Variants in SYDE1 observed in about 807,000 individuals in gnomAD.
The protein encoded by SYDE1 is synapse defective Rho GTPase activating protein 1.
A neutral mutation model predicts 63.3 loss-of-function variants in SYDE1; 34 were observed. The observed-to-expected ratio is 0.54, with a 90% CI of 0.41 to 0.71. The LOEUF (loss-of-function observed/expected upper bound fraction) is 0.71, where lower values mean the gene tolerates loss of function less well. Ranked by LOEUF, SYDE1 falls within the 30% of genes least tolerant of loss-of-function variation. SYDE1 has a pLI of 0.00. For synonymous variants in SYDE1, 467 were observed against 473.4 expected, an observed-to-expected ratio of 0.99 and a Z score of 0.18; for missense variants, 925 against 1,042.5, an observed-to-expected ratio of 0.89 and a Z score of 1.55.
chr19:15,110,648 ACTGCTG>A lies in SYDE1; in HGVS notation c.1204_1209del (p.Leu402_Leu403del), dbSNP rs1233762854. Reference sequence around the variant, plus strand: ...CCCGCGTCTTTGGGCTGCCCCTGCCACTGCTGGTGGAGCGGGAGCGGCCCCCCGGCC... The same window carrying A: ...CCCGCGTCTTTGGGCTGCCCCTGCCAGTGGAGCGGGAGCGGCCCCCCGGCC... On this transcript the variant is annotated inframe_deletion, in exon 4 of 8. Transcript: ENST00000342784. This position sits in a 1 kb window ranked among gnomAD's most constrained non-coding sequence, Gnocchi z 6.9. 4 of 1,589,654 alleles carry A rather than the reference ACTGCTG, an allele frequency of 2.5e-6. No individual in the cohort carries two copies. The highest frequency in any genetic ancestry group is 1.7e-6 in the Non-Finnish European group (2 of 1,169,578).
chr19:15,110,674 C>A lies in SYDE1; in HGVS notation c.1229C>A (p.Pro410His). 1 of 1,583,396 alleles carries A rather than the reference C, an allele frequency of 6.3e-7. No individual in the cohort carries two copies. The highest frequency in any genetic ancestry group is 2.3e-5 in the East Asian group (1 of 43,254). Residue 410 changes from proline to histidine, a missense_variant, in exon 4 of 8, where the codon CCC (proline) becomes CAC (histidine). Transcript: ENST00000342784. The surrounding 1 kb of genome is among the most constrained non-coding windows in gnomAD (Gnocchi z 6.9). ...CTGCTGGTGGAGCGGGAGCGGCCCC[C>A]CGGCCAGGTGCCCCTCATCATCCAG... is the stretch of plus-strand genomic sequence containing the variant. ...LPLLVERERP[P>H]GQVPLIIQKC...
rs1457149049 is a variant in SYDE1 at position 15,110,542 on chromosome 19, C to T, written c.1097C>T (p.Ala366Val). The change falls in exon 4 of 8, where the codon GCC becomes GTC. Residue 366 changes from alanine to valine, a missense_variant. This residue lies in a region of SYDE1 where 599 missense variants were observed against 653.7 expected (regional missense o/e 0.92). Transcript: ENST00000342784. The surrounding 1 kb of genome is among the most constrained non-coding windows in gnomAD (Gnocchi z 6.9). ...TCAGGGTGCCAGGCCCAACAGCTGG[C>T]CGTGCGCCTGGAGCCTCAGGGGCTG... ...VFRGCQAQQL[A>V]VRLEPQGLLY... is the part of the protein sequence containing the mutation. 1 of 1,589,760 alleles carries T rather than the reference C, an allele frequency of 6.3e-7. No individual in the cohort carries two copies. The highest frequency in any genetic ancestry group is 1.7e-5 in the Admixed American group (1 of 57,896).
rs2046320834 is a variant in SYDE1 at position 15,108,521 on chromosome 19, G to A, written c.89-535G>A. 6.6e-6 allele frequency among the ~76,000 whole-genome samples: 1 copy of A among 152,150 alleles called. No individual in the cohort carries two copies. The highest frequency in any genetic ancestry group is 2.1e-4 in the South Asian group (1 of 4,824). ...ACAGGAGGGAGGGTAAAAGGGGCAGGGGACTGGGAGTGACTGTGCTGCAGG... is the reference window on the plus strand; with the variant it reads ...ACAGGAGGGAGGGTAAAAGGGGCAGAGGACTGGGAGTGACTGTGCTGCAGG... On this transcript the variant is annotated intron_variant, in intron 1 of 7. Coordinates refer to ENST00000342784, the MANE Select transcript of SYDE1 (RefSeq NM_033025.6). This position sits in a 1 kb window ranked among gnomAD's most constrained non-coding sequence, Gnocchi z 4.3.
Position 15,108,990 on chromosome 19 carries a change from T to A in SYDE1, c.89-66T>A. 1 of 1,432,572 alleles carries A rather than the reference T, an allele frequency of 7.0e-7. No homozygotes were observed. The highest frequency in any genetic ancestry group is 9.1e-7 in the Non-Finnish European group (1 of 1,097,440). 88.7% of individuals were successfully genotyped at this position (1,432,572 alleles called of 1,614,324 possible). ...ACACAGCATCCCACCCACTGATCAA[T>A]TGCACAGGGCTGCTCTGCAGGCAGT... On this transcript the variant is annotated intron_variant, in intron 1 of 7. Coordinates refer to ENST00000342784, the MANE Select transcript of SYDE1 (RefSeq NM_033025.6). This position sits in a 1 kb window ranked among gnomAD's most constrained non-coding sequence, Gnocchi z 4.3.
In SYDE1 at chr19:15,110,747, C is replaced by T; in HGVS notation, c.1290+12C>T. ...GCCGAGGGCTGCGGGTGAGCACCCACCCCACCCCAACCCTCTGGCCCCCAG... is the reference window on the plus strand; with the variant it reads ...GCCGAGGGCTGCGGGTGAGCACCCATCCCACCCCAACCCTCTGGCCCCCAG... On this transcript the variant is annotated intron_variant, in intron 4 of 7. Coordinates refer to ENST00000342784, the MANE Select transcript of SYDE1 (RefSeq NM_033025.6). The surrounding 1 kb of genome is among the most constrained non-coding windows in gnomAD (Gnocchi z 6.9). 6.5e-7 allele frequency: 1 copy of T among 1,527,668 alleles called. No individual in the cohort carries two copies. The highest frequency in any genetic ancestry group is 8.8e-7 in the Non-Finnish European group (1 of 1,137,128). The allele number at this position is 1,527,668 out of a possible 1,614,324, so 94.6% of individuals were successfully genotyped here. A position where few individuals can be genotyped will look rare whatever the true frequency, so the allele number is the denominator to read the frequency against.
Position 15,107,495 on chromosome 19 carries a change from G to C in SYDE1, c.62G>C (p.Arg21Pro). 1.9e-6 allele frequency: 3 copies of C among 1,545,196 alleles called. No homozygotes were observed. Among genetic ancestry groups the C allele is most frequent in the Non-Finnish European group, 2.6e-6 (3 of 1,142,948 alleles). Reference sequence around the variant, plus strand: ...CTGCGGGGCCGGGAGAAACTTCCCCGGAAAAAGTCGGACGCCAAGGAGCGC... The same window carrying C: ...CTGCGGGGCCGGGAGAAACTTCCCCCGAAAAAGTCGGACGCCAAGGAGCGC... ...SRLRGREKLP[R>P]KKSDAKERGH... The change falls in exon 1 of 8, where the codon CGG (arginine) becomes CCG (proline). Residue 21 changes from arginine (R) to proline (P), a missense_variant. Physicochemically the swap from Arg to Pro is moderately radical, Grantham distance 103 (BLOSUM62 -2). Coordinates refer to ENST00000342784, the MANE Select transcript of SYDE1 (RefSeq NM_033025.6).
At chr19:15,107,586 G>C (rs1440440132) in intron 1 of SYDE1, 65 bp downstream of exon 1, 2 of 1,257,652 alleles carry the variant, frequency 1.6e-6, no homozygotes, top group African/African-American at 1.5e-5. Flanking sequence ...CGGGGTCCCA[G>C]GGCCCCGAGG....
Position 15,109,766 on chromosome 19 carries a change from C to T in SYDE1, c.493C>T (p.Arg165Cys), listed in dbSNP as rs1208777718. 1.9e-6 allele frequency: 3 copies of T among 1,538,460 alleles called. No individual in the cohort carries two copies. The highest frequency in any genetic ancestry group is 8.7e-7 in the Non-Finnish European group (1 of 1,144,498). Residue 165 changes from arginine to cysteine, a missense_variant, in exon 3 of 8, where the codon CGC (arginine) becomes TGC (cysteine). This residue lies in a region of SYDE1 where 599 missense variants were observed against 653.7 expected (regional missense o/e 0.92). Transcript: ENST00000342784. This position sits in a 1 kb window ranked among gnomAD's most constrained non-coding sequence, Gnocchi z 5.0. Reference sequence around the variant, plus strand: ...CACCAAGTCCCCGGGCCCCGCCAGGCGCCTCTCCATAAAGATGAAGAAGCT... The same window carrying T: ...CACCAAGTCCCCGGGCCCCGCCAGGTGCCTCTCCATAAAGATGAAGAAGCT... ...SRTKSPGPAR[R>C]LSIKMKKLPE...
Position 15,113,933 on chromosome 19 carries a change from G to A in SYDE1, c.2178G>A (p.Glu726=). The change falls in exon 8 of 8, where the codon GAG becomes GAA. Residue 726 remains glutamate, a synonymous_variant. Coordinates refer to ENST00000342784, the MANE Select transcript of SYDE1 (RefSeq NM_033025.6). ...CCCTCATCCTGGATCTGGAGAGAGA[G>A]CTCTCCAAGCAAATCAACGTGTGCC... is the stretch of plus-strand genomic sequence containing the variant. The part of the protein sequence containing the change: ...FDALILDLER[E]LSKQINVCL 1 of 1,613,598 alleles carries A rather than the reference G, an allele frequency of 6.2e-7. No homozygotes were observed. Among genetic ancestry groups the A allele is most frequent in the Non-Finnish European group, 8.5e-7 (1 of 1,179,750 alleles).
At position 15,113,802 on chromosome 19, in the gene SYDE1, A is replaced by AGCGAGG. The variant is rs2046363623; in HGVS notation, c.2048_2053dup (p.Glu684_Asp685insGlyGlu). The AGCGAGG allele has an allele frequency of 1.2e-6, 2 of 1,614,006 alleles. No homozygotes were observed. Among genetic ancestry groups the AGCGAGG allele is most frequent in the South Asian group, 1.1e-5 (1 of 91,084 alleles). ...CTACGACCACGTGACGGGCAGTGACAGCGAGGACGAGGACGAGGAGGTCGG... is the reference window on the plus strand; with the variant it reads ...CTACGACCACGTGACGGGCAGTGACAGCGAGGGCGAGGACGAGGACGAGGAGGTCGG... On this transcript the variant is annotated inframe_insertion, in exon 8 of 8. Coordinates refer to ENST00000342784, the MANE Select transcript of SYDE1 (RefSeq NM_033025.6).
chr19:15,109,468 A>C lies in SYDE1; in HGVS notation c.430+71A>C, dbSNP rs758240740. Reference sequence around the variant, plus strand: ...CCACATCCCTTCCCTTCAGGGTAGCACCAGCCTCACACTCCCTCCTCCCAG... The same window carrying C: ...CCACATCCCTTCCCTTCAGGGTAGCCCCAGCCTCACACTCCCTCCTCCCAG... On this transcript the variant is annotated intron_variant, in intron 2 of 7. Coordinates refer to ENST00000342784, the MANE Select transcript of SYDE1 (RefSeq NM_033025.6). The surrounding 1 kb of genome is among the most constrained non-coding windows in gnomAD (Gnocchi z 5.0). The C allele has an allele frequency of 2.1e-6, 3 of 1,446,264 alleles. No individual in the cohort carries two copies. Among genetic ancestry groups the C allele is most frequent in the African/African-American group, 1.4e-5 (1 of 69,612 alleles). The allele number at this position is 1,446,264 out of a possible 1,614,324, so 89.6% of individuals were successfully genotyped here.
rs1277845780 is a variant in SYDE1 at position 15,109,558 on chromosome 19, G to T, written c.431-146G>T. ...CCAGCCTCACATCCCCACCCCGTCA[G>T]ATGCTCCCAGAGGAGCATCAGCCTC... On this transcript the variant is annotated intron_variant, in intron 2 of 7. Transcript: ENST00000342784. This position sits in a 1 kb window ranked among gnomAD's most constrained non-coding sequence, Gnocchi z 5.0. 7.2e-6 allele frequency: 7 copies of T among 967,872 alleles called. No homozygotes were observed. The highest frequency in any genetic ancestry group is 1.0e-5 in the Non-Finnish European group (7 of 673,620). The allele number at this position is 967,872 out of a possible 1,614,324, so 60.0% of individuals were successfully genotyped here.
chr19:15,112,616 G>C (rs1219031713), intron 7 of SYDE1, 45 bp downstream of exon 7: 22 of 1,471,112 alleles, frequency 1.5e-5, no homozygotes, highest in Non-Finnish European at 1.9e-5. Context: ...GAGCCAGGCT[G>C]CTACAGTGAT....
rs911270471 is a variant in SYDE1 at position 15,108,569 on chromosome 19, C to T, written c.89-487C>T. 6.6e-6 allele frequency among the ~76,000 whole-genome samples: 1 copy of T among 152,208 alleles called. No homozygotes were observed. Among genetic ancestry groups the T allele is most frequent in the Admixed American group, 6.5e-5 (1 of 15,288 alleles). On this transcript the variant is annotated intron_variant, in intron 1 of 7. Transcript: ENST00000342784. The surrounding 1 kb of genome is among the most constrained non-coding windows in gnomAD (Gnocchi z 4.3). ...AGGGAATAGAAAACCCAGCTCCTCA[C>T]TCCTGAGCACGTAGTGCCTGCTGTG...
rs1439497029 is a variant in SYDE1, at chr19:15,112,486, C to G, written c.1719C>G (p.Ala573=). The G allele has an allele frequency of 1.2e-6, 2 of 1,606,818 alleles. No homozygotes were observed. The highest frequency in any genetic ancestry group is 3.4e-5 in the Admixed American group (2 of 58,870). The change falls in exon 7 of 8, where the codon GCC becomes GCG. Residue 573 remains alanine, a synonymous_variant. Coordinates refer to ENST00000342784, the MANE Select transcript of SYDE1 (RefSeq NM_033025.6). ...PARQAPTRPR[A]RSSGPGLASA... The stretch of plus-strand genomic sequence containing the variant: ...GCCAGGCGCCCACAAGGCCTCGTGC[C>G]CGCAGCTCCGGCCCAGGCCTTGCCA...
rs1166137492 is a variant in SYDE1 at position 15,110,627 on chromosome 19, C to T, written c.1182C>T (p.Arg394=). ...QQEAPATAEP[R]VFGLPLPLLV... is the part of the protein sequence containing the mutation. ...AAGCCCCTGCCACAGCTGAGCCCCGCGTCTTTGGGCTGCCCCTGCCACTGC... is the reference window on the plus strand; with the variant it reads ...AAGCCCCTGCCACAGCTGAGCCCCGTGTCTTTGGGCTGCCCCTGCCACTGC... The change falls in exon 4 of 8, where the codon CGC becomes CGT. Residue 394 remains arginine, a synonymous_variant. Transcript: ENST00000342784. This position sits in a 1 kb window ranked among gnomAD's most constrained non-coding sequence, Gnocchi z 6.9. The T allele has an allele frequency of 6.3e-7, 1 of 1,589,874 alleles. No homozygotes were observed. Among genetic ancestry groups the T allele is most frequent in the Non-Finnish European group, 8.5e-7 (1 of 1,169,888 alleles).
At position 15,113,765 on chromosome 19, in the gene SYDE1, G is replaced by T. The variant is rs143946347; in HGVS notation, c.2010G>T (p.Leu670=). The change falls in exon 8 of 8, where the codon CTG becomes CTT. Residue 670 remains leucine, a synonymous_variant. Coordinates refer to ENST00000342784, the MANE Select transcript of SYDE1 (RefSeq NM_033025.6). The part of the protein sequence containing the change: ...RDFLPCGRDF[L]SGPDYDHVTG... ...TCCTGCCCTGTGGGCGGGATTTCCT[G>T]TCCGGGCCAGACTACGACCACGTGA... 3 of 1,613,984 alleles carry T rather than the reference G, an allele frequency of 1.9e-6. No individual in the cohort carries two copies. The highest frequency in any genetic ancestry group is 2.5e-6 in the Non-Finnish European group (3 of 1,180,034).
chr19:15,108,824 G>T lies in SYDE1; in HGVS notation c.89-232G>T, dbSNP rs772108699. On this transcript the variant is annotated intron_variant, in intron 1 of 7. Coordinates refer to ENST00000342784, the MANE Select transcript of SYDE1 (RefSeq NM_033025.6). The surrounding 1 kb of genome is among the most constrained non-coding windows in gnomAD (Gnocchi z 4.3). ...CTTAGAACCCTGAGGCTGCAGGGATGGAGTCCCCTTTTGGGATGCCAGGGA... is the reference window on the plus strand; with the variant it reads ...CTTAGAACCCTGAGGCTGCAGGGATTGAGTCCCCTTTTGGGATGCCAGGGA... 11 of 512,118 alleles carry T rather than the reference G, an allele frequency of 2.1e-5. No individual in the cohort carries two copies. Among genetic ancestry groups the T allele is most frequent in the African/African-American group, 1.2e-4 (6 of 50,662 alleles). 31.7% of individuals were successfully genotyped at this position (512,118 alleles called of 1,614,324 possible). A position where few individuals can be genotyped will look rare whatever the true frequency, so the allele number is the denominator to read the frequency against.
intron 7 of SYDE1, among the ~76,000 whole-genome samples, 186 bp from the exon 8 acceptor site, chr19:15,113,374 A>AG (rs1482818113): frequency 6.6e-6 from 1 of 152,202 alleles, no homozygotes; most frequent in Non-Finnish European, 1.5e-5. Context: ...ATGCAGTCAG[A>AG]GGCCCTGCCT....
Sources: gnomAD v4.1 joint callset for allele counts (sites outside exome capture counted in the v4.1 genomes callset) on GRCh38, gnomAD v4.1.1 for gene constraint, gnomAD v4.1.1 regional missense constraint, Gnocchi (gnomAD v3.1) non-coding constraint, MANE v1.5 for transcripts, NCBI Gene and HGNC (gene_info 2026-07-23, HGNC 2026-07-21) for gene names.